Variants in DCC observed in about 807,000 individuals in gnomAD.
The protein encoded by DCC is netrin receptor DCC.
In DCC, 58 loss-of-function variants were observed where a neutral mutation model predicts 172.5. That is an observed-to-expected ratio of 0.34 (90% CI 0.27 to 0.42). The LOEUF (loss-of-function observed/expected upper bound fraction) is 0.42, where lower values mean the gene tolerates loss of function less well. Among genes scored for constraint, DCC ranks in the 10% least tolerant of loss-of-function variants. The pLI is 1.00. For missense variants in DCC, 1,740 were observed against 1,791.0 expected, an observed-to-expected ratio of 0.97 and a Z score of 0.51; for synonymous variants, 709 against 644.5, an observed-to-expected ratio of 1.10 and a Z score of -1.52.
chr18:52,702,344 A>G (rs1486089134), intron 1 of DCC, among the ~76,000 whole-genome samples: 1 of 152,096 alleles, frequency 6.6e-6, no homozygotes, highest in African/African-American at 2.4e-5. Flanking sequence ...TGCTCATCAT[A>G]TCACTTTGCC....
At chr18:52,908,092 A>T (rs2039917072) in intron 3 of DCC, among the ~76,000 whole-genome samples, 1 of 152,222 alleles carries the variant, frequency 6.6e-6, no homozygotes, top group African/African-American at 2.4e-5. Flanking sequence ...GGAACTGACT[A>T]CATCTCAAAG....
At chr18:53,094,625 T>C (rs1327694839) in intron 7 of DCC, among the ~76,000 whole-genome samples, 4 of 152,212 alleles carry the variant, frequency 2.6e-5, no homozygotes, top group Non-Finnish European at 5.9e-5. Context: ...AGAATAATTT[T>C]AGATTACTTT....
rs1339349394 is a variant in DCC at position 53,428,043 on chromosome 18, ATATAT to A, written c.3164-7096_3164-7092del. Among the ~76,000 whole-genome samples the A allele has an allele frequency of 6.4e-4, 24 of 37,734 alleles. 1 individual carries two copies. Among genetic ancestry groups the A allele is most frequent in the South Asian group, 1.7e-3 (3 of 1,722 alleles). The allele number at this position is 37,734 out of a possible 152,430, so 24.8% of individuals were successfully genotyped here. On this transcript the variant is annotated intron_variant, in intron 21 of 28. Coordinates refer to ENST00000442544, the MANE Select transcript of DCC (RefSeq NM_005215.4). ...ATAATATAGAATATATCATATAATA[ATATAT>A]TATAATAATGTGTCATATATCATAT...
chr18:52,999,474 G>A (rs1206340353), intron 5 of DCC, among the ~76,000 whole-genome samples: 2 of 152,042 alleles, frequency 1.3e-5, no homozygotes, highest in Non-Finnish European at 2.9e-5. Flanking sequence ...AGCATGGCCA[G>A]AGGAGGCTCA....
chr18:52,676,315 C>T (rs746335620), intron 1 of DCC, among the ~76,000 whole-genome samples: 9 of 152,160 alleles, frequency 5.9e-5, no homozygotes, highest in Admixed American at 1.3e-4. Context: ...ATGAAGTACT[C>T]GGGAAGGCAT....
rs1177588079 is a variant in DCC at position 53,410,561 on chromosome 18, T to C, written c.3045T>C (p.Asp1015=). ...ATCAAATCATGGATCTCAACCTTGA[T>C]ACTATGTATTACTTTCGAATTCAAG... is the stretch of plus-strand genomic sequence containing the variant. ...LTHQIMDLNL[D]TMYYFRIQAR... Residue 1015 remains aspartate (D), a synonymous_variant, in exon 20 of 29, where the codon GAT becomes GAC. Coordinates refer to ENST00000442544, the MANE Select transcript of DCC (RefSeq NM_005215.4). 2 of 1,609,560 alleles carry C rather than the reference T, an allele frequency of 1.2e-6. No homozygotes were observed. The highest frequency in any genetic ancestry group is 1.1e-5 in the South Asian group (1 of 91,016).
chr18:52,703,116 A>C lies in DCC; in HGVS notation c.92-48938A>C, dbSNP rs372372288. Reference sequence around the variant, plus strand: ...ATTCAAGGCTAACCACTCTTACTATAATCTTTTCTGAAATGTTCCATCAAT... The same window carrying C: ...ATTCAAGGCTAACCACTCTTACTATCATCTTTTCTGAAATGTTCCATCAAT... On this transcript the variant is annotated intron_variant, in intron 1 of 28. Coordinates refer to ENST00000442544, the MANE Select transcript of DCC (RefSeq NM_005215.4). 3.2e-4 allele frequency among the ~76,000 whole-genome samples: 49 copies of C among 152,210 alleles called. 1 individual carries two copies. The highest frequency in any genetic ancestry group is 8.5e-4 in the Admixed American group (13 of 15,282).
intron 5 of DCC, among the ~76,000 whole-genome samples, chr18:52,979,429 G>T (rs1458044678): frequency 6.6e-6 from 1 of 152,150 alleles, no homozygotes; most frequent in East Asian, 1.9e-4. Context: ...CCCAGAGGAT[G>T]GGTTAGCCTT....
intron 1 of DCC, among the ~76,000 whole-genome samples, chr18:52,550,719 A>G (rs1467983637): frequency 6.6e-6 from 1 of 152,092 alleles, no homozygotes; most frequent in Non-Finnish European, 1.5e-5. Context: ...TAGGCCACCA[A>G]AGCTGACTGT....
intron 25 of DCC, among the ~76,000 whole-genome samples, chr18:53,472,830 T>G (rs2145193351): frequency 6.6e-6 from 1 of 152,274 alleles, no homozygotes; most frequent in East Asian, 1.9e-4. Context: ...GTGGCTCCCA[T>G]TTGTCTGCCA....
chr18:52,437,085 C>G (rs1398218034), intron 1 of DCC, among the ~76,000 whole-genome samples: 1 of 152,150 alleles, frequency 6.6e-6, no homozygotes, highest in East Asian at 1.9e-4. Flanking sequence ...CTTCTTTTAA[C>G]TATGGACCAC....
chr18:52,895,360 G>C (rs2145428510), intron 2 of DCC, among the ~76,000 whole-genome samples: 1 of 152,228 alleles, frequency 6.6e-6, no homozygotes, highest in East Asian at 1.9e-4. Context: ...TCAGGTTTTT[G>C]TATTAAGAAT....
chr18:52,840,142 C>A (rs964528681), intron 2 of DCC, among the ~76,000 whole-genome samples: 1 of 152,164 alleles, frequency 6.6e-6, no homozygotes, highest in African/African-American at 2.4e-5. Flanking sequence ...ACCACTGAAG[C>A]CTGTCTAAAG....
intron 2 of DCC, among the ~76,000 whole-genome samples, chr18:52,754,688 T>C: frequency 6.6e-6 from 1 of 152,212 alleles, no homozygotes; most frequent in East Asian, 1.9e-4. Context: ...AGGCAGAGTT[T>C]TCCATAGTCA....
intron 5 of DCC, among the ~76,000 whole-genome samples, chr18:52,938,395 T>A (rs1378420639): frequency 6.6e-6 from 1 of 152,150 alleles, no homozygotes; most frequent in African/African-American, 2.4e-5. Context: ...CAATAAGCTG[T>A]ACATCCTAGT....
chr18:53,284,586 T>C (rs1246273058), intron 12 of DCC, among the ~76,000 whole-genome samples: 1 of 152,118 alleles, frequency 6.6e-6, no homozygotes, highest in Non-Finnish European at 1.5e-5. Context: ...AATTGCCCAG[T>C]CTCAAGTATG....
At chr18:52,814,149 T>C (rs2038247065) in intron 2 of DCC, among the ~76,000 whole-genome samples, 1 of 152,212 alleles carries the variant, frequency 6.6e-6, no homozygotes, top group Admixed American at 6.5e-5. Flanking sequence ...ACAGCTAAGA[T>C]ATCGTGGGTT....
chr18:52,784,926 A>T (rs2037626204), intron 2 of DCC, among the ~76,000 whole-genome samples: 1 of 136,400 alleles, frequency 7.3e-6, no homozygotes, highest in African/African-American at 2.9e-5. Flanking sequence ...GAGAGAGAAG[A>T]GAAGGGGGGA....
chr18:53,237,667 T>TA (rs1020216865), intron 12 of DCC, among the ~76,000 whole-genome samples: 20 of 152,118 alleles, frequency 1.3e-4, no homozygotes, highest in Non-Finnish European at 8.8e-5. Flanking sequence ...ATACCTTCCA[T>TA]AAAAAAATGC....
Sources: gnomAD v4.1 joint callset for allele counts (sites outside exome capture counted in the v4.1 genomes callset) on GRCh38, gnomAD v4.1.1 for gene constraint, MANE v1.5 for transcripts, NCBI Gene and HGNC (gene_info 2026-07-23, HGNC 2026-07-21) for gene names.